Variants in OSBPL10 observed in about 807,000 individuals in gnomAD.
The protein encoded by OSBPL10 is oxysterol binding protein like 10, also known as oxysterol-binding protein-related protein 10.
A neutral mutation model predicts 81.7 loss-of-function variants in OSBPL10; 49 were observed. The ratio of observed to expected loss-of-function variants is 0.60; its 90% CI spans 0.48 to 0.76. The LOEUF (loss-of-function observed/expected upper bound fraction) is 0.76, where lower values mean the gene tolerates loss of function less well. OSBPL10 is among the 30% of genes least tolerant of loss of function. OSBPL10 has a pLI of 0.00. For missense variants in OSBPL10, 923 were observed against 987.8 expected, an observed-to-expected ratio of 0.93 and a Z score of 0.88; for synonymous variants, 419 against 383.6, an observed-to-expected ratio of 1.09 and a Z score of -1.08.
chr3:31,759,957 T>C (rs1697985032), intron 4 of OSBPL10, among the ~76,000 whole-genome samples: 3 of 152,174 alleles, frequency 2.0e-5, no homozygotes, highest in Admixed American at 1.3e-4. Context: ...AGACAGGGTT[T>C]TGCCATGTTG....
At chr3:31,860,732 G>C (rs1479239268) in intron 3 of OSBPL10, among the ~76,000 whole-genome samples, 1 of 152,170 alleles carries the variant, frequency 6.6e-6, no homozygotes, top group Non-Finnish European at 1.5e-5. Flanking sequence ...CAGGAGTGCA[G>C]TGGCACAATA....
At chr3:31,838,356 A>G (rs1254253869) in intron 3 of OSBPL10, among the ~76,000 whole-genome samples, 1 of 151,900 alleles carries the variant, frequency 6.6e-6, no homozygotes, top group Non-Finnish European at 1.5e-5. Context: ...TAAGAATACA[A>G]AAAAATTAGC....
intron 4 of OSBPL10, among the ~76,000 whole-genome samples, chr3:31,813,448 G>T (rs76426366): frequency 0.021 from 3,116 of 150,202 alleles, 102 homozygotes; most frequent in African/African-American, 0.075. Flanking sequence ...TGGTTTTTTT[G>T]TTTGTTTGTT....
At chr3:31,966,369 T>C (rs892040818) in intron 1 of OSBPL10, among the ~76,000 whole-genome samples, 1 of 151,448 alleles carries the variant, frequency 6.6e-6, no homozygotes, top group Admixed American at 6.6e-5. Flanking sequence ...GAAATGATAA[T>C]TTAATAATTT....
chr3:31,963,168 T>C (rs987474367), intron 1 of OSBPL10, among the ~76,000 whole-genome samples: 4 of 152,070 alleles, frequency 2.6e-5, no homozygotes, highest in African/African-American at 9.7e-5. Context: ...TGCTTTATCA[T>C]GCTCTCTAGC....
chr3:31,663,802 C>A, intron 11 of OSBPL10: 1 of 1,359,652 alleles, frequency 7.4e-7, no homozygotes, highest in Non-Finnish European at 9.5e-7. Context: ...CATCGCGATC[C>A]CTCACAGGCA....
At chr3:31,798,018 G>A (rs959968920) in intron 4 of OSBPL10, among the ~76,000 whole-genome samples, 1 of 152,072 alleles carries the variant, frequency 6.6e-6, no homozygotes, top group Non-Finnish European at 1.5e-5. Context: ...TATCTGCAAG[G>A]CTGTCTTAAT....
At chr3:31,783,788 TTAAAAAAAAAAA>T (rs1460616807) in intron 4 of OSBPL10, among the ~76,000 whole-genome samples, 7 of 18,912 alleles carry the variant, frequency 3.7e-4, no homozygotes, top group Admixed American at 3.2e-3. Context: ...AAGACTCCGA[TTAAAAAAAAAAA>T]AAAAAAAAAA....
chr3:31,847,592 C>T (rs893070087), intron 3 of OSBPL10, among the ~76,000 whole-genome samples: 1 of 152,144 alleles, frequency 6.6e-6, no homozygotes, highest in Non-Finnish European at 1.5e-5. Context: ...TCTGTGTTGA[C>T]TCCCAATAAG....
At chr3:31,806,570 T>C (rs2125461646) in intron 4 of OSBPL10, among the ~76,000 whole-genome samples, 1 of 152,348 alleles carries the variant, frequency 6.6e-6, no homozygotes, top group South Asian at 2.1e-4. Flanking sequence ...AGCAAGTACC[T>C]GCTCCCTGTG....
At chr3:31,677,643 C>T (rs1035354242) in intron 8 of OSBPL10, among the ~76,000 whole-genome samples, 4 of 152,160 alleles carry the variant, frequency 2.6e-5, no homozygotes, top group African/African-American at 7.2e-5. Context: ...GGCTTCTCAC[C>T]CACGACACTG....
chr3:31,734,095 T>G (rs79582753), intron 5 of OSBPL10, among the ~76,000 whole-genome samples: 5,665 of 152,202 alleles, frequency 0.037, 361 homozygotes, highest in African/African-American at 0.13. Context: ...GTTTGAATTC[T>G]AAGTGACACA....
Position 31,861,293 on chromosome 3 carries a change from C to T in OSBPL10, c.537+15140G>A, listed in dbSNP as rs372120344. Among the ~76,000 whole-genome samples, 30 of 152,192 alleles carry T rather than the reference C, an allele frequency of 2.0e-4. No homozygotes were observed. The South Asian group carries it at 5.8e-3, about 30-fold the overall frequency. ...CAGCAAAATTCACAGATGCCCAAGT[C>T]CCTGATATCAAATGGCATTTTATTT... is the stretch of plus-strand genomic sequence containing the variant. On this transcript the variant is annotated intron_variant, in intron 3 of 11. Transcript: ENST00000396556.
chr3:31,678,258 G>A (rs1700538780), intron 8 of OSBPL10, among the ~76,000 whole-genome samples: 2 of 152,158 alleles, frequency 1.3e-5, no homozygotes, highest in Admixed American at 1.3e-4. Context: ...TAAGTGAAAC[G>A]GCTAGAGACA....
At chr3:32,033,718 T>A (rs1480275709) in intron 2 of OSBPL10, among the ~76,000 whole-genome samples, 1 of 152,326 alleles carries the variant, frequency 6.6e-6, no homozygotes, top group Admixed American at 6.5e-5. Flanking sequence ...GCCATTGTTA[T>A]TGGCTTTTCT....
At chr3:31,957,129 T>C (rs1380917547) in intron 1 of OSBPL10, among the ~76,000 whole-genome samples, 1 of 152,142 alleles carries the variant, frequency 6.6e-6, no homozygotes, top group Middle Eastern at 3.2e-3. Flanking sequence ...AGTGAGGCCC[T>C]GTCTCAAAAA....
At chr3:31,973,721 A>G (rs550037300) in intron 1 of OSBPL10, among the ~76,000 whole-genome samples, 20 of 152,330 alleles carry the variant, frequency 1.3e-4, no homozygotes, top group African/African-American at 4.6e-4. Flanking sequence ...ATGGGGAGCC[A>G]TCTATTCACT....
chr3:32,008,552 C>G (rs982644231), intron 2 of OSBPL10, among the ~76,000 whole-genome samples: 7 of 146,436 alleles, frequency 4.8e-5, no homozygotes, highest in African/African-American at 1.8e-4. Flanking sequence ...GCAACATGGC[C>G]AAACCCCGTT....
At chr3:31,667,637 T>A (rs1294244445) in intron 10 of OSBPL10, among the ~76,000 whole-genome samples, 1 of 152,184 alleles carries the variant, frequency 6.6e-6, no homozygotes, top group Non-Finnish European at 1.5e-5. Context: ...AGAGCAGCAG[T>A]TGGCAAAAAT....
Sources: allele counts gnomAD v4.1 joint callset (sites outside exome capture counted in the v4.1 genomes callset), GRCh38; gene constraint gnomAD v4.1.1; transcripts MANE v1.5; gene names NCBI Gene and HGNC (gene_info 2026-07-23, HGNC 2026-07-21).